CDH23: variants seen among roughly 807,000 people sequenced by gnomAD.
The protein encoded by CDH23 is cadherin-23.
CDH23 carries 189 observed loss-of-function variants against 317.1 expected under a neutral mutation model. The ratio of observed to expected loss-of-function variants is 0.60; its 90% CI spans 0.53 to 0.67. CDH23 has a LOEUF of 0.67. Ranked by LOEUF, CDH23 falls within the 30% of genes least tolerant of loss-of-function variation. CDH23 has a pLI of 0.00. For synonymous variants in CDH23, 1,839 were observed against 1,876.8 expected (o/e 0.98, Z 0.52); for missense variants, 4,401 against 4,592.4 (o/e 0.96, Z 1.20).
intron 11 of CDH23, among the ~76,000 whole-genome samples, chr10:71,632,245 A>G (rs1482017564): frequency 1.3e-5 from 2 of 152,198 alleles, no homozygotes; most frequent in African/African-American, 4.8e-5. Context: ...CTAGACTAAG[A>G]TAGCCCCATC....
chr10:71,555,581 G>T (rs117537859), intron 6 of CDH23, among the ~76,000 whole-genome samples: 2,012 of 152,314 alleles, frequency 0.013, 32 homozygotes, highest in East Asian at 0.087. Flanking sequence ...TGCAGGGGGA[G>T]CCTGGAGGAG....
At position 71,760,112 on chromosome 10, in the gene CDH23, T is replaced by C; in HGVS notation, c.4846-17568T>C. Among the ~76,000 whole-genome samples the C allele has an allele frequency of 2.1e-5, 2 of 93,692 alleles. 1 individual carries two copies. The highest frequency in any genetic ancestry group is 4.9e-5 in the Non-Finnish European group (2 of 41,210). 61.5% of individuals were successfully genotyped at this position (93,692 alleles called of 152,430 possible). ...ACATATACACACACACATACATACA[T>C]ATATGTGTGTATATATATGTATATA... On this transcript the variant is annotated intron_variant, in intron 38 of 69. Transcript: ENST00000224721.
At position 71,779,333 on chromosome 10, in the gene CDH23, T is replaced by C. The variant is rs1433525562; in HGVS notation, c.5254T>C (p.Phe1752Leu). The C allele has an allele frequency of 1.9e-6, 3 of 1,613,904 alleles. No individual in the cohort carries two copies. The highest frequency in any genetic ancestry group is 1.3e-5 in the African/African-American group (1 of 74,938). The change falls in exon 41 of 70, where the codon TTT (phenylalanine) becomes CTT (leucine). Residue 1752 changes from phenylalanine (F) to leucine (L), a missense_variant. Phe to Leu is a conservative substitution (Grantham distance 22, BLOSUM62 0). Around this residue, in one of 3 missense-constraint regions of CDH23, gnomAD observed 3,068 missense variants for 3,203.3 expected, o/e 0.96. Transcript: ENST00000224721. Reference sequence around the variant, plus strand: ...CTTCCCCCGGGACTATGAGGGACCATTTGAAGTCACTGAGGGCCAGCCGGG... The same window carrying C: ...CTTCCCCCGGGACTATGAGGGACCACTTGAAGTCACTGAGGGCCAGCCGGG... ...PTFPRDYEGPFEVTEGQPGPR... is the reference protein window; with the variant it reads ...PTFPRDYEGPLEVTEGQPGPR...
intron 14 of CDH23, among the ~76,000 whole-genome samples, chr10:71,662,687 A>T (rs538684076): frequency 2.5e-4 from 38 of 152,090 alleles, no homozygotes; most frequent in Middle Eastern, 3.4e-3. Flanking sequence ...TTTCTACCAC[A>T]TCATCCCAAC....
At chr10:71,615,665 C>T in intron 10 of CDH23, 49 bp downstream of exon 10, 2 of 1,347,010 alleles carry the variant, frequency 1.5e-6, no homozygotes, top group Non-Finnish European at 2.1e-6. Context: ...GATGCCCCTA[C>T]TCGGATGCCA....
chr10:71,479,140 G>T (rs1440631853), intron 3 of CDH23, among the ~76,000 whole-genome samples: 2 of 152,188 alleles, frequency 1.3e-5, no homozygotes, highest in Non-Finnish European at 2.9e-5. Context: ...TAAGTGCCCT[G>T]ACCGGGCTCA....
intron 6 of CDH23, among the ~76,000 whole-genome samples, chr10:71,526,957 C>G (rs1041849672): frequency 1.3e-5 from 2 of 152,142 alleles, no homozygotes; most frequent in Non-Finnish European, 2.9e-5. Flanking sequence ...TCTCGAGTGT[C>G]GGGCGCATGT....
At chr10:71,476,550 A>C (rs536085881) in intron 3 of CDH23, among the ~76,000 whole-genome samples, 1 of 152,296 alleles carries the variant, frequency 6.6e-6, no homozygotes, top group South Asian at 2.1e-4. Context: ...GTACAAATGG[A>C]AAACCACTGA....
chr10:71,690,843 T>C (rs532555965), intron 20 of CDH23, among the ~76,000 whole-genome samples: 1 of 152,346 alleles, frequency 6.6e-6, no homozygotes, highest in South Asian at 2.1e-4. Flanking sequence ...ATGTGCTCCA[T>C]CTTACAAAGA....
At chr10:71,519,172 T>G (rs1270315697) in intron 6 of CDH23, among the ~76,000 whole-genome samples, 2 of 152,224 alleles carry the variant, frequency 1.3e-5, no homozygotes, top group Non-Finnish European at 2.9e-5. Context: ...AGGGGGACTG[T>G]GCAGAGCCCA....
intron 34 of CDH23, among the ~76,000 whole-genome samples, chr10:71,735,197 G>A (rs563850099): frequency 1.3e-5 from 2 of 152,302 alleles, no homozygotes; most frequent in Admixed American, 6.5e-5. Flanking sequence ...CTCTCCTGGG[G>A]GTTGGTGCAA....
In CDH23 at chr10:71,446,336, C is replaced by T; in HGVS notation, c.86C>T (p.Pro29Leu). The change falls in exon 3 of 70, where the codon CCC (proline) becomes CTC (leucine). Residue 29 changes from proline (P) to leucine (L), a missense_variant. By Grantham distance (98) the Pro-to-Leu change is moderately conservative. Transcript: ENST00000224721. ...SGCWGQVNRL[P>L]FFTNHFFDTY... Reference sequence around the variant, plus strand: ...CTTCCAGGCCAGGTGAACCGGCTGCCCTTCTTCACCAACCACTTCTTTGAT... The same window carrying T: ...CTTCCAGGCCAGGTGAACCGGCTGCTCTTCTTCACCAACCACTTCTTTGAT... 6.2e-7 allele frequency: 1 copy of T among 1,614,036 alleles called. No individual in the cohort carries two copies. The highest frequency in any genetic ancestry group is 8.5e-7 in the Non-Finnish European group (1 of 1,179,894).
chr10:71,637,432 T>A (rs190315396), intron 11 of CDH23, among the ~76,000 whole-genome samples: 1 of 152,166 alleles, frequency 6.6e-6, no homozygotes, highest in Non-Finnish European at 1.5e-5. Flanking sequence ...CCGTCCCAGA[T>A]GCTTGACCAA....
intron 38 of CDH23, among the ~76,000 whole-genome samples, chr10:71,753,176 G>A (rs3747857): frequency 0.25 from 37,551 of 152,204 alleles, 4,987 homozygotes; most frequent in Middle Eastern, 0.34. Context: ...CGATCTGCGT[G>A]TCTGTCCAGC....
intron 6 of CDH23, among the ~76,000 whole-genome samples, chr10:71,522,347 T>C (rs1005525995): frequency 6.6e-6 from 1 of 152,164 alleles, no homozygotes; most frequent in Non-Finnish European, 1.5e-5. Flanking sequence ...CTGTCCTGGC[T>C]TCTAACCCCG....
rs758005146 is a variant in CDH23, at chr10:71,646,717, A to C, written c.1449+100A>C. The C allele has an allele frequency of 6.4e-5, 103 of 1,611,922 alleles. No homozygotes were observed. The highest frequency in any genetic ancestry group is 8.2e-5 in the Non-Finnish European group (97 of 1,178,410). On this transcript the variant is annotated intron_variant, in intron 14 of 69. Coordinates refer to ENST00000224721, the MANE Select transcript of CDH23 (RefSeq NM_022124.6). ...TCCAAGGGACCTCAGCAATCAGGGA[A>C]GGAGGCACCCCCAAATCCCTGAGCT...
intron 18 of CDH23, among the ~76,000 whole-genome samples, chr10:71,685,514 G>A (rs1439646398): frequency 6.6e-6 from 1 of 152,230 alleles, no homozygotes; most frequent in African/African-American, 2.4e-5. Context: ...CTCCCTCCCT[G>A]GGACCACAGA....
Position 71,439,835 on chromosome 10 carries a change from G to C in CDH23, c.4G>C (p.Gly2Arg), listed in dbSNP as rs1421514289. Residue 2 changes from glycine (G) to arginine (R), a missense_variant, in exon 2 of 70, where the codon GGG (glycine) becomes CGG (arginine). Gly to Arg is a moderately radical substitution (Grantham distance 125). This residue lies in a region of CDH23 where 3,068 missense variants were observed against 3,203.3 expected (regional missense o/e 0.96). Coordinates refer to ENST00000224721, the MANE Select transcript of CDH23 (RefSeq NM_022124.6). Reference protein sequence around the residue: MGRHVATSCHVA... With the variant: MRRHVATSCHVA... ...TTTCTTTGTGTCCCCAGGAGCCATGGGGCGCCATGTTGCCACCAGCTGCCA... is the reference window on the plus strand; with the variant it reads ...TTTCTTTGTGTCCCCAGGAGCCATGCGGCGCCATGTTGCCACCAGCTGCCA... The C allele has an allele frequency of 6.4e-7, 1 of 1,564,772 alleles. No individual in the cohort carries two copies. The highest frequency in any genetic ancestry group is 2.4e-5 in the East Asian group (1 of 42,304).
At chr10:71,661,273 G>T (rs1421079057) in intron 14 of CDH23, among the ~76,000 whole-genome samples, 1 of 152,146 alleles carries the variant, frequency 6.6e-6, no homozygotes, top group South Asian at 2.1e-4. Flanking sequence ...TCCCTCTGCC[G>T]GCCCAGCCTC....
Sources: gnomAD v4.1 joint callset for allele counts (sites outside exome capture counted in the v4.1 genomes callset) on GRCh38, gnomAD v4.1.1 for gene constraint, gnomAD v4.1.1 regional missense constraint, MANE v1.5 for transcripts, NCBI Gene and HGNC (gene_info 2026-07-23, HGNC 2026-07-21) for gene names.